Variants in DIS3L2 observed in about 807,000 individuals in gnomAD.
DIS3L2 encodes DIS3 like 3'-5' exoribonuclease 2.
DIS3L2 carries 34 observed loss-of-function variants against 97.5 expected under a neutral mutation model. The observed-to-expected ratio is 0.35, with a 90% CI of 0.27 to 0.46. The LOEUF is 0.46. Among genes scored for constraint, DIS3L2 ranks in the 20% least tolerant of loss-of-function variants. The probability of loss-of-function intolerance (pLI) is 1.00; values close to 1 mark genes in which losing one functional copy is unlikely to be tolerated. For missense variants in DIS3L2, 1,038 were observed against 1,146.0 expected (o/e 0.91, Z 1.36); for synonymous variants, 435 against 445.2 (o/e 0.98, Z 0.29).
chr2:232,263,099 A>G, intron 12 of DIS3L2, 108 bp from the exon 13 acceptor site: 13 of 1,122,112 alleles, frequency 1.2e-5, no homozygotes, highest in Non-Finnish European at 1.7e-5. Flanking sequence ...GCACACAGTC[A>G]GTGCTCAATA....
intron 6 of DIS3L2, among the ~76,000 whole-genome samples, chr2:232,098,648 C>T (rs913617111): frequency 1.3e-5 from 2 of 152,174 alleles, no homozygotes; most frequent in Non-Finnish European, 2.9e-5. Flanking sequence ...GTCACCCCAC[C>T]CAGCCTAGCT....
At chr2:232,157,091 A>C (rs1420946870) in intron 8 of DIS3L2, among the ~76,000 whole-genome samples, 3 of 151,866 alleles carry the variant, frequency 2.0e-5, no homozygotes, top group African/African-American at 7.3e-5. Flanking sequence ...GTTGCACATA[A>C]GTTTTTTTTG....
At chr2:232,270,974 C>G (rs780440936) in intron 13 of DIS3L2, among the ~76,000 whole-genome samples, 27 of 146,284 alleles carry the variant, frequency 1.8e-4, no homozygotes, top group Non-Finnish European at 2.8e-4. Flanking sequence ...CTGAAATATC[C>G]CAGTGGTTGT....
At chr2:232,329,787 C>CCGGGGGGCCA in intron 14 of DIS3L2, 26 bp from the exon 15 acceptor site, 1 of 1,062,208 alleles carries the variant, frequency 9.4e-7, no homozygotes, top group Non-Finnish European at 1.3e-6. Context: ...CCCAGCGGTC[C>CCGGGGGGCCA]CTCCCATCCC....
chr2:232,218,721 G>A (rs184426890), intron 10 of DIS3L2, among the ~76,000 whole-genome samples: 1 of 152,326 alleles, frequency 6.6e-6, no homozygotes, highest in East Asian at 1.9e-4. Flanking sequence ...TTCCTCTCCA[G>A]ACTGTTGTCA....
intron 1 of DIS3L2, among the ~76,000 whole-genome samples, chr2:232,014,634 C>G: frequency 6.6e-6 from 1 of 152,172 alleles, no homozygotes; most frequent in Non-Finnish European, 1.5e-5. Flanking sequence ...AAGAAGCAGT[C>G]TAGTGGTACC....
rs746140396 is a variant in DIS3L2 at position 232,304,162 on chromosome 2, GT to G, written c.1739+4055del. On this transcript the variant is annotated intron_variant, in intron 14 of 20. Transcript: ENST00000325385. The stretch of plus-strand genomic sequence containing the variant: ...ACCGTGGGTCTACGGGTGGTGACTG[GT>G]TTTTTTTTTTTCTCTGTTGCAGAAA... Among the ~76,000 whole-genome samples the G allele has an allele frequency of 3.4e-3, 497 of 145,962 alleles. 16 individuals are homozygous for G. In the East Asian group the frequency reaches 0.074, roughly 22 times the overall value.
intron 13 of DIS3L2, among the ~76,000 whole-genome samples, chr2:232,283,066 A>G (rs980765983): frequency 6.6e-6 from 1 of 152,184 alleles, no homozygotes; most frequent in Admixed American, 6.5e-5. Flanking sequence ...AGAAGCACAG[A>G]GGCTTCTTTG....
intron 5 of DIS3L2, among the ~76,000 whole-genome samples, chr2:232,056,366 AAACAACAACAACAAC>A (rs147366104): frequency 6.7e-6 from 1 of 149,034 alleles, no homozygotes; most frequent in South Asian, 2.2e-4. Context: ...CTCCATCTCA[AAACAACAACAACAAC>A]AACAACAACA....
At chr2:232,121,436 C>G (rs1697901699) in intron 6 of DIS3L2, among the ~76,000 whole-genome samples, 1 of 152,082 alleles carries the variant, frequency 6.6e-6, no homozygotes, top group Non-Finnish European at 1.5e-5. Flanking sequence ...GGGAAAGAGT[C>G]TACTCATTCA....
intron 1 of DIS3L2, among the ~76,000 whole-genome samples, chr2:232,008,823 C>T (rs1302707864): frequency 6.6e-6 from 1 of 152,170 alleles, no homozygotes; most frequent in Non-Finnish European, 1.5e-5. Context: ...TAACATAAGT[C>T]AGTGGTCAGA....
rs377022116 is a variant in DIS3L2 at position 232,332,597 on chromosome 2, G to C, written c.2011-1243G>C. On this transcript the variant is annotated intron_variant, in intron 16 of 20. Coordinates refer to ENST00000325385, the MANE Select transcript of DIS3L2 (RefSeq NM_152383.5). ...CAGGGGCTGTGGCCCCAGCTGGGACGGGCTATGCGCTGGTCCCTAGAGACT... is the reference window on the plus strand; with the variant it reads ...CAGGGGCTGTGGCCCCAGCTGGGACCGGCTATGCGCTGGTCCCTAGAGACT... 6.7e-3 allele frequency among the ~76,000 whole-genome samples: 1,021 copies of C among 151,898 alleles called. 9 individuals are homozygous for C. The highest frequency in any genetic ancestry group is 0.023 in the African/African-American group (963 of 41,282).
At chr2:232,168,643 GT>G (rs1690893200) in intron 9 of DIS3L2, among the ~76,000 whole-genome samples, 1 of 152,292 alleles carries the variant, frequency 6.6e-6, no homozygotes, top group Non-Finnish European at 1.5e-5. Flanking sequence ...TTGCCTTTGT[GT>G]TGCAGAACGC....
chr2:232,008,539 C>T (rs1164264574), intron 1 of DIS3L2, among the ~76,000 whole-genome samples: 1 of 152,130 alleles, frequency 6.6e-6, no homozygotes, highest in East Asian at 1.9e-4. Flanking sequence ...TGGAAGCACT[C>T]CACACGCCAA....
intron 1 of DIS3L2, among the ~76,000 whole-genome samples, chr2:231,977,164 A>G (rs927837139): frequency 1.3e-5 from 2 of 152,152 alleles, no homozygotes; most frequent in Non-Finnish European, 2.9e-5. Context: ...TTGAAGTACA[A>G]TTTTACTGAA....
chr2:232,184,596 G>A (rs1359290291), intron 9 of DIS3L2, among the ~76,000 whole-genome samples: 1 of 152,178 alleles, frequency 6.6e-6, no homozygotes, highest in African/African-American at 2.4e-5. Flanking sequence ...GGTGCAGTGA[G>A]CTGTGATCGC....
At chr2:232,005,916 G>A (rs1288458837) in intron 1 of DIS3L2, among the ~76,000 whole-genome samples, 10 of 152,174 alleles carry the variant, frequency 6.6e-5, no homozygotes, top group Admixed American at 5.9e-4. Flanking sequence ...GGCTGGGCGC[G>A]GTGGCTCATG....
At chr2:232,282,108 C>G (rs71421630) in intron 13 of DIS3L2, among the ~76,000 whole-genome samples, 2 of 144,854 alleles carry the variant, frequency 1.4e-5, no homozygotes. Context: ...ACCTCCTACT[C>G]TCTGTCTTTC....
At position 232,336,139 on chromosome 2, in the gene DIS3L2, A is replaced by AAAG. The variant is rs950230142; in HGVS notation, c.2496+265_2496+266insAAG. On this transcript the variant is annotated intron_variant, in intron 20 of 20. Transcript: ENST00000325385. ...GCTAATGCAGGGGTGCTGGCCTTCT[A>AAAG]GGGTCCTTTAGAGAACCTGATGAAA... is the stretch of plus-strand genomic sequence containing the variant. 7 of 1,538,628 alleles carry AAAG rather than the reference A, an allele frequency of 4.5e-6. No homozygotes were observed. The African/African-American group carries it at 9.6e-5, about 21-fold the overall frequency.
Sources: allele counts gnomAD v4.1 joint callset (sites outside exome capture counted in the v4.1 genomes callset), GRCh38; gene constraint gnomAD v4.1.1; transcripts MANE v1.5; gene names NCBI Gene and HGNC (gene_info 2026-07-23, HGNC 2026-07-21).